EPM2A: variants seen among roughly 807,000 people sequenced by gnomAD.
The protein encoded by EPM2A is EPM2A glucan phosphatase, laforin.
In EPM2A, 21 loss-of-function variants were observed where a neutral mutation model predicts 26.5. The observed-to-expected ratio is 0.79, with a 90% CI of 0.56 to 1.14. EPM2A has a LOEUF of 1.14. Among genes scored for constraint, EPM2A ranks in the 50% most tolerant of loss-of-function variants. The pLI is 0.00. For missense variants in EPM2A, 458 were observed against 440.8 expected, an observed-to-expected ratio of 1.04 and a Z score of -0.35; for synonymous variants, 217 against 177.6, an observed-to-expected ratio of 1.22 and a Z score of -1.76.
chr6:145,491,801 TCTC>T (rs1294475217), intron 4 of EPM2A: 2 of 532,934 alleles, frequency 3.8e-6, no homozygotes, highest in Middle Eastern at 6.5e-4. Flanking sequence ...GGCTTCTTCT[TCTC>T]CTGTATCAAT....
chr6:145,483,560 A>G (rs1779635585), intron 4 of EPM2A, among the ~76,000 whole-genome samples: 1 of 152,146 alleles, frequency 6.6e-6, no homozygotes. Context: ...AATGACTAGA[A>G]CAACCTCATA....
chr6:145,709,575 A>G (rs957174009), intron 1 of EPM2A, among the ~76,000 whole-genome samples: 1 of 152,212 alleles, frequency 6.6e-6, no homozygotes, highest in African/African-American at 2.4e-5. Context: ...AGTCAATAAA[A>G]GCTCTTTTCT....
At chr6:145,510,162 T>TA (rs548395434) in intron 2 of EPM2A, among the ~76,000 whole-genome samples, 9 of 151,374 alleles carry the variant, frequency 5.9e-5, no homozygotes, top group African/African-American at 9.7e-5. Flanking sequence ...ACACCCCACT[T>TA]ACAGCATTTG....
downstream of EPM2A, among the ~76,000 whole-genome samples, chr6:145,496,734 T>G (rs931372138): frequency 1.6e-5 from 2 of 122,734 alleles, no homozygotes; most frequent in African/African-American, 2.8e-5. Context: ...TGCAATTTTT[T>G]TTTTTTTTTT....
chr6:145,703,871 T>C (rs1282599380), intron 1 of EPM2A, among the ~76,000 whole-genome samples: 18 of 152,228 alleles, frequency 1.2e-4, no homozygotes, highest in Non-Finnish European at 2.5e-4. Context: ...TTCTCGAACA[T>C]GTCATAAACA....
intron 2 of EPM2A, among the ~76,000 whole-genome samples, chr6:145,567,043 A>G (rs1780892958): frequency 6.6e-6 from 1 of 152,212 alleles, no homozygotes; most frequent in Admixed American, 6.5e-5. Flanking sequence ...ACTCTTTTAC[A>G]TTCATGTACT....
At position 145,445,939 on chromosome 6, in the gene EPM2A, C is replaced by A. The variant is rs58975296; in HGVS notation, c.555+56583G>T. 1.3e-3 allele frequency among the ~76,000 whole-genome samples: 202 copies of A among 152,262 alleles called. 1 individual carries two copies. Among genetic ancestry groups the A allele is most frequent in the African/African-American group, 4.6e-3 (193 of 41,544 alleles). On this transcript the variant is annotated intron_variant, in intron 4 of 4. Coordinates refer to the EPM2A transcript ENST00000638717. Reference sequence around the variant, plus strand: ...TTAGGTTATGTTATTGGTGGTCTTACACCTTCTGCCTGACTCTTTGGGGAT... The same window carrying A: ...TTAGGTTATGTTATTGGTGGTCTTAAACCTTCTGCCTGACTCTTTGGGGAT...
At chr6:145,491,286 T>C (rs1562356283) in intron 4 of EPM2A, 7 of 354,572 alleles carry the variant, frequency 2.0e-5, no homozygotes, top group South Asian at 4.6e-5. Flanking sequence ...CTCTACTCAT[T>C]GGAACCGGTT....
At chr6:145,509,652 G>C (rs546116945) in intron 2 of EPM2A, among the ~76,000 whole-genome samples, 3 of 152,198 alleles carry the variant, frequency 2.0e-5, no homozygotes, top group East Asian at 3.9e-4. Context: ...CATAGCCTAT[G>C]GACCCATAAA....
intron 4 of EPM2A, among the ~76,000 whole-genome samples, chr6:145,398,797 T>A (rs1582724350): frequency 6.6e-6 from 1 of 150,990 alleles, no homozygotes; most frequent in Non-Finnish European, 1.5e-5. Context: ...AAGGGAGAGG[T>A]TGCAGTGAGC....
intron 1 of EPM2A, among the ~76,000 whole-genome samples, chr6:145,707,055 CA>C (rs1453048600): frequency 1.3e-5 from 2 of 152,144 alleles, no homozygotes; most frequent in African/African-American, 4.8e-5. Flanking sequence ...AAGAGAAAGC[CA>C]AATCTATTAA....
At chr6:145,471,716 C>G (rs1196775929) in intron 4 of EPM2A, among the ~76,000 whole-genome samples, 2 of 152,154 alleles carry the variant, frequency 1.3e-5, no homozygotes, top group Non-Finnish European at 2.9e-5. Context: ...CAGCCCTAGT[C>G]AGCAGAGAAT....
chr6:145,415,724 T>C (rs1778699351), intron 4 of EPM2A, among the ~76,000 whole-genome samples: 1 of 152,198 alleles, frequency 6.6e-6, no homozygotes, highest in Admixed American at 6.5e-5. Flanking sequence ...TCTAAAAATG[T>C]GCCTGTGATG....
intron 2 of EPM2A, among the ~76,000 whole-genome samples, chr6:145,533,431 T>G (rs1780389409): frequency 1.3e-5 from 2 of 152,316 alleles, no homozygotes; most frequent in South Asian, 4.1e-4. Context: ...GCTACTCCCC[T>G]TTTTAAAGCC....
At chr6:145,566,618 T>C (rs1582859248) in intron 2 of EPM2A, among the ~76,000 whole-genome samples, 1 of 152,230 alleles carries the variant, frequency 6.6e-6, no homozygotes, top group Non-Finnish European at 1.5e-5. Flanking sequence ...GTTGCTTTTA[T>C]GTGGCATAAG....
intron 1 of EPM2A, among the ~76,000 whole-genome samples, chr6:145,719,102 C>T (rs1223016714): frequency 2.0e-5 from 3 of 152,038 alleles, no homozygotes; most frequent in Admixed American, 1.3e-4. Context: ...TACCATTTGA[C>T]CCAGCCATCC....
At chr6:145,405,468 T>C (rs774164938) in intron 4 of EPM2A, among the ~76,000 whole-genome samples, 17 of 152,086 alleles carry the variant, frequency 1.1e-4, no homozygotes, top group Non-Finnish European at 1.5e-5. Flanking sequence ...AATATAAAAT[T>C]TAAAAAGGAT....
chr6:145,405,707 T>C (rs190790884), intron 4 of EPM2A, among the ~76,000 whole-genome samples: 66 of 152,292 alleles, frequency 4.3e-4, no homozygotes, highest in African/African-American at 1.4e-3. Context: ...TGTCAACTTA[T>C]AAACTTGGGC....
chr6:145,735,309 C>T lies in EPM2A; in HGVS notation c.190G>A (p.Val64Met), dbSNP rs749279494. ...GCCGCCTCCTCGGCCGCCAGCTCCA[C>T]CTCCCCGAGCCACAGGCCCGGCTCC... ...LQEPGLWLGE[V>M]ELAAEEAAQD... The change falls in exon 1 of 4, where the codon GTG becomes ATG. Residue 64 changes from valine to methionine, a missense_variant. Physicochemically the swap from Val to Met is conservative, Grantham distance 21. Coordinates refer to ENST00000367519, the MANE Select transcript of EPM2A (RefSeq NM_005670.4). 53 of 1,467,224 alleles carry T rather than the reference C, an allele frequency of 3.6e-5. No homozygotes were observed. Among genetic ancestry groups the T allele is most frequent in the Non-Finnish European group, 4.8e-5 (53 of 1,107,292 alleles). The allele number at this position is 1,467,224 out of a possible 1,614,324, so 90.9% of individuals were successfully genotyped here. A position where few individuals can be genotyped will look rare whatever the true frequency, so the allele number is the denominator to read the frequency against.
Sources: allele counts gnomAD v4.1 joint callset (sites outside exome capture counted in the v4.1 genomes callset), GRCh38; gene constraint gnomAD v4.1.1; transcripts MANE v1.5; gene names NCBI Gene and HGNC (gene_info 2026-07-23, HGNC 2026-07-21).